EP300: variants seen among roughly 807,000 people sequenced by gnomAD.
EP300 encodes the protein histone acetyltransferase p300.
In EP300, 31 loss-of-function variants were observed where a neutral mutation model predicts 264.0. That is an observed-to-expected ratio of 0.12 (90% CI 0.09 to 0.16). The LOEUF is 0.16. EP300 is among the 10% of genes least tolerant of loss of function. EP300 has a pLI of 1.00. For synonymous variants in EP300, 1,340 were observed against 1,045.4 expected (o/e 1.28, Z -5.44); for missense variants, 2,766 against 3,052.9 (o/e 0.91, Z 2.21).
chr22:41,132,540 G>T (rs1015143468), intron 6 of EP300, among the ~76,000 whole-genome samples: 4 of 151,988 alleles, frequency 2.6e-5, no homozygotes, highest in African/African-American at 9.7e-5. Flanking sequence ...ACCCACCTGG[G>T]CCTCCCAAAA....
chr22:41,174,286 A>G (rs1210193571), intron 29 of EP300, among the ~76,000 whole-genome samples: 1 of 151,870 alleles, frequency 6.6e-6, no homozygotes, highest in Non-Finnish European at 1.5e-5. Context: ...AAATACAAAA[A>G]TTAGCCTGGC....
In EP300 at chr22:41,117,671, C is replaced by T. The variant is rs376004661; in HGVS notation, c.579C>T (p.Asn193=). The change falls in exon 2 of 31, where the codon AAC becomes AAT. Residue 193 remains asparagine, a synonymous_variant. Transcript: ENST00000263253. ...GGATAATGCCTAATCAAGTCATGAA[C>T]GGTTCAATTGGAGCAGGCCGAGGGC... ...GQGIMPNQVM[N]GSIGAGRGRQ... is the part of the protein sequence containing the mutation. The T allele has an allele frequency of 6.8e-5, 110 of 1,614,060 alleles. No individual in the cohort carries two copies. The highest frequency in any genetic ancestry group is 1.7e-4 in the Admixed American group (10 of 60,004).
chr22:41,127,881 C>G (rs907383348), intron 4 of EP300, 133 bp downstream of exon 4: 3 of 1,161,262 alleles, frequency 2.6e-6, no homozygotes, highest in Non-Finnish European at 3.7e-6. Flanking sequence ...TCTGTATGTA[C>G]AAAGTCACCA....
chr22:41,157,512 C>CTTTTTTTTT (rs1214250106), intron 18 of EP300, 104 bp downstream of exon 18: 96 of 444,380 alleles, frequency 2.2e-4, no homozygotes, highest in African/African-American at 5.1e-4. Flanking sequence ...TTTGACATGG[C>CTTTTTTTTT]TTTTTTTTTT....
At chr22:41,114,954 G>T (rs2145693699) in intron 1 of EP300, among the ~76,000 whole-genome samples, 1 of 152,196 alleles carries the variant, frequency 6.6e-6, no homozygotes, top group South Asian at 2.1e-4. Context: ...TTTTTAAGAG[G>T]ATAATAGCTG....
intron 23 of EP300, 59 bp downstream of exon 23, chr22:41,166,725 AC>A: frequency 8.4e-6 from 10 of 1,194,128 alleles, no homozygotes; most frequent in Non-Finnish European, 1.1e-5. Context: ...TAGATAAGAA[AC>A]CATCCAAAGT....
At chr22:41,149,712 C>T (rs1601619378) in intron 13 of EP300, 49 bp from the exon 14 acceptor site, 2 of 1,584,336 alleles carry the variant, frequency 1.3e-6, no homozygotes, top group Non-Finnish European at 1.7e-6. Context: ...TAAGTATTTC[C>T]TTAATTCTGT....
Position 41,140,242 on chromosome 22 carries a change from A to G in EP300, c.1863A>G (p.Glu621=). ...GGAAAGTTGAAGGGGACATGTATGA[A>G]TCTGCAAACAATCGAGTGAGTGTCT... ...YARKVEGDMY[E]SANNRAEYYH... Residue 621 remains glutamate, a synonymous_variant, in exon 9 of 31, where the codon GAA becomes GAG. Coordinates refer to ENST00000263253, the MANE Select transcript of EP300 (RefSeq NM_001429.4). 1 of 1,608,616 alleles carries G rather than the reference A, an allele frequency of 6.2e-7. No homozygotes were observed. Among genetic ancestry groups the G allele is most frequent in the Non-Finnish European group, 8.5e-7 (1 of 1,174,956 alleles).
intron 1 of EP300, among the ~76,000 whole-genome samples, chr22:41,107,853 A>G (rs1226446773): frequency 6.6e-6 from 1 of 151,582 alleles, no homozygotes; most frequent in Non-Finnish European, 1.5e-5. Flanking sequence ...GGCATGTGCC[A>G]CCACACCCAG....
intron 17 of EP300, among the ~76,000 whole-genome samples, chr22:41,155,390 C>T (rs2059071363): frequency 1.3e-5 from 2 of 152,048 alleles, no homozygotes; most frequent in Non-Finnish European, 1.5e-5. Context: ...TGCCACCTCA[C>T]CTGGCTAGTT....
At chr22:41,108,932 G>T (rs1739235239) in intron 1 of EP300, among the ~76,000 whole-genome samples, 2 of 152,118 alleles carry the variant, frequency 1.3e-5, no homozygotes, top group Admixed American at 1.3e-4. Flanking sequence ...TATAAAGGGG[G>T]CAAAAGTAGA....
chr22:41,114,800 A>G (rs950198204), intron 1 of EP300, among the ~76,000 whole-genome samples: 2 of 146,612 alleles, frequency 1.4e-5, no homozygotes, highest in Non-Finnish European at 3.0e-5. Flanking sequence ...ATGCTAAAAG[A>G]TACAGAAGGA....
chr22:41,176,204 A>G (rs1375900198), intron 29 of EP300, 43 bp from the exon 30 acceptor site: 2 of 1,608,518 alleles, frequency 1.2e-6, no homozygotes, highest in South Asian at 1.1e-5. Context: ...TGGATGACAG[A>G]GCGAGGCCCT....
intron 17 of EP300, among the ~76,000 whole-genome samples, chr22:41,156,657 A>G (rs2059079091): frequency 6.6e-6 from 1 of 152,156 alleles, no homozygotes; most frequent in African/African-American, 2.4e-5. Flanking sequence ...CCTGGGAGGC[A>G]GAGGTTGCAC....
rs1223906654 is a variant in EP300 at position 41,092,869 on chromosome 22, G to A, written c.-136G>A. On this transcript the variant is annotated 5_prime_UTR_variant, in exon 1 of 31. Coordinates refer to ENST00000263253, the MANE Select transcript of EP300 (RefSeq NM_001429.4). ...CACTGCGACCCGGCGAAGAGAAAAA[G>A]GAACTTCCCCCACCCCCTCGGGTGC... 1 of 927,078 alleles carries A rather than the reference G, an allele frequency of 1.1e-6. No individual in the cohort carries two copies. Among genetic ancestry groups the A allele is most frequent in the East Asian group, 2.4e-5 (1 of 41,748 alleles). 57.4% of individuals were successfully genotyped at this position (927,078 alleles called of 1,614,324 possible). A position where few individuals can be genotyped will look rare whatever the true frequency, so the allele number is the denominator to read the frequency against.
rs11362436 is a variant in EP300, at chr22:41,134,163, C to CTT, written c.1529-1633_1529-1632dup. Among the ~76,000 whole-genome samples the CTT allele has an allele frequency of 2.1e-3, 225 of 105,590 alleles. 1 individual carries two copies. The highest frequency in any genetic ancestry group is 8.0e-3 in the Admixed American group (80 of 10,014). The allele number at this position is 105,590 out of a possible 152,430, so 69.3% of individuals were successfully genotyped here. On this transcript the variant is annotated intron_variant, in intron 6 of 30. Coordinates refer to ENST00000263253, the MANE Select transcript of EP300 (RefSeq NM_001429.4). Reference sequence around the variant, plus strand: ...CTTGGTCTGTTGATTTCATTCTTTTCTTTTTTTTTTTTTTTTTTCTGATTT... The same window carrying CTT: ...CTTGGTCTGTTGATTTCATTCTTTTCTTTTTTTTTTTTTTTTTTTTCTGATTT...
intron 29 of EP300, chr22:41,175,988 G>C: frequency 2.0e-6 from 1 of 507,566 alleles, no homozygotes; most frequent in South Asian, 2.1e-5. Context: ...GGGAGGCTGA[G>C]GCAGGCAGAT....
rs2145749723 is a variant in EP300, at chr22:41,158,476, C to G, written c.3566C>G (p.Ala1189Gly). The G allele has an allele frequency of 6.2e-7, 1 of 1,614,066 alleles. No individual in the cohort carries two copies. Among genetic ancestry groups the G allele is most frequent in the African/African-American group, 1.3e-5 (1 of 75,036 alleles). ...CAGTTGTGCACAATACCTCGTGATG[C>G]CACTTATTACAGTTACCAGAACAGG... ...GKQLCTIPRD[A>G]TYYSYQNRYH... is the part of the protein sequence containing the mutation. Residue 1189 changes from alanine to glycine, a missense_variant, in exon 19 of 31, where the codon GCC becomes GGC. Coordinates refer to ENST00000263253, the MANE Select transcript of EP300 (RefSeq NM_001429.4).
At chr22:41,123,431 T>C (rs2058863299) in intron 2 of EP300, among the ~76,000 whole-genome samples, 1 of 152,180 alleles carries the variant, frequency 6.6e-6, no homozygotes, top group African/African-American at 2.4e-5. Flanking sequence ...GATTTTTTTC[T>C]TTTATAGAGG....
Sources: allele counts gnomAD v4.1 joint callset (sites outside exome capture counted in the v4.1 genomes callset), GRCh38; gene constraint gnomAD v4.1.1; transcripts MANE v1.5; gene names NCBI Gene and HGNC (gene_info 2026-07-23, HGNC 2026-07-21).